The following IARS2 variants were observed in gnomAD, a reference collection of about 807,000 sequenced individuals.
The protein encoded by IARS2 is isoleucine--tRNA ligase, mitochondrial.
IARS2 carries 56 observed loss-of-function variants against 126.3 expected under a neutral mutation model. The observed-to-expected ratio is 0.44, with a 90% confidence interval of 0.36 to 0.55. IARS2 has a LOEUF of 0.55. Ranked by LOEUF, IARS2 falls within the 20% of genes least tolerant of loss-of-function variation. IARS2 has a pLI of 0.00. For missense variants in IARS2, 1,127 were observed against 1,245.9 expected (o/e 0.90, Z 1.44); for synonymous variants, 407 against 441.1 (o/e 0.92, Z 0.97).
chr1:220,128,287 C>T (rs766538105), intron 14 of IARS2, among the ~76,000 whole-genome samples: 7 of 152,060 alleles, frequency 4.6e-5, no homozygotes, highest in African/African-American at 9.7e-5. Context: ...AACCAATCCT[C>T]TGCATATATC....
chr1:220,136,226 G>T (rs1476902653), intron 15 of IARS2, among the ~76,000 whole-genome samples: 1 of 152,118 alleles, frequency 6.6e-6, no homozygotes, highest in Non-Finnish European at 1.5e-5. Flanking sequence ...CCGCCTCTTG[G>T]GTTCAAGTGA....
Position 220,138,051 on chromosome 1 carries a change from C to G in IARS2, c.2175+8C>G. On this transcript the variant is annotated splice_region_variant and intron_variant, in intron 17 of 22. Transcript: ENST00000366922. ...AGAGATGATATTAGCAAGGTTAGAA[C>G]TATTATTCTTCCTATTTCTAAAGGA... 1.2e-6 allele frequency: 2 copies of G among 1,612,650 alleles called. No individual in the cohort carries two copies. The highest frequency in any genetic ancestry group is 1.7e-6 in the Non-Finnish European group (2 of 1,179,212).
rs1402860114 is a variant in IARS2, at chr1:220,094,133, C to G, written c.-84C>G. 3 of 1,143,376 alleles carry G rather than the reference C, an allele frequency of 2.6e-6. No individual in the cohort carries two copies. The highest frequency in any genetic ancestry group is 3.3e-6 in the Non-Finnish European group (3 of 899,714). The allele number at this position is 1,143,376 out of a possible 1,614,324, so 70.8% of individuals were successfully genotyped here. ...CTCCCGGAGCGCGTGCGCCCTCTTA[C>G]TCGGCTCCCCTTGGTTTCCTGGGGT... On this transcript the variant is annotated 5_prime_UTR_variant, in exon 1 of 23. Transcript: ENST00000366922.
At chr1:220,143,355 TA>T (rs899735796) in intron 21 of IARS2, 176 of 335,686 alleles carry the variant, frequency 5.2e-4, no homozygotes, top group Admixed American at 7.8e-4. Flanking sequence ...GTGTCTAAAT[TA>T]AAAAAAAATT....
chr1:220,105,618 G>T (rs1372620656), intron 8 of IARS2, among the ~76,000 whole-genome samples: 1 of 152,144 alleles, frequency 6.6e-6, no homozygotes, highest in Non-Finnish European at 1.5e-5. Context: ...TGGTGAGGGA[G>T]AATATTAAGT....
chr1:220,147,206 C>T (rs1355851208), intron 22 of IARS2, among the ~76,000 whole-genome samples: 1 of 152,164 alleles, frequency 6.6e-6, no homozygotes, highest in African/African-American at 2.4e-5. Context: ...CCAAATTTAA[C>T]AGCTAGAAAG....
chr1:220,146,252 C>A (rs948147781), intron 22 of IARS2, among the ~76,000 whole-genome samples: 3 of 152,222 alleles, frequency 2.0e-5, no homozygotes, highest in African/African-American at 7.2e-5. Flanking sequence ...CACGGTGGCT[C>A]ATGCCTGTAA....
rs1456971220 is a variant in IARS2, at chr1:220,114,470, A to G, written c.1636A>G (p.Asn546Asp). Residue 546 changes from asparagine (N) to aspartate (D), a missense_variant, in exon 12 of 23, where the codon AAC becomes GAC. By Grantham distance (23) the Asn-to-Asp change is conservative. Transcript: ENST00000366922. ...TAAGACCAAGGATGAATACTTGATCAACAGGTAGAATGCTTTCTAAAATTT... is the reference window on the plus strand; with the variant it reads ...TAAGACCAAGGATGAATACTTGATCGACAGGTAGAATGCTTTCTAAAATTT... ...HHKTKDEYLI[N>D]SQTTEHIVKL... 2.5e-6 allele frequency: 4 copies of G among 1,606,678 alleles called. No homozygotes were observed. In the African/African-American group the frequency reaches 5.4e-5, roughly 22 times the overall value.
In IARS2 at chr1:220,102,747, A is replaced by G. The variant is rs1375267269; in HGVS notation, c.920A>G (p.Asn307Ser). The change falls in exon 7 of 23, where the codon AAT becomes AGT. Residue 307 changes from asparagine to serine, a missense_variant. Physicochemically the swap from Asn to Ser is conservative, Grantham distance 46. Transcript: ENST00000366922. ...ACACAACCTTGGACGATTCCAGCCAATGAAGCTGTTTGCTATATGCCTGAA... is the reference window on the plus strand; with the variant it reads ...ACACAACCTTGGACGATTCCAGCCAGTGAAGCTGTTTGCTATATGCCTGAA... ...WTTQPWTIPA[N>S]EAVCYMPESK... 10 of 1,613,558 alleles carry G rather than the reference A, an allele frequency of 6.2e-6. No individual in the cohort carries two copies. The highest frequency in any genetic ancestry group is 4.5e-5 in the East Asian group (2 of 44,854).
At chr1:220,137,835 A>T (rs1657409964) in intron 16 of IARS2, 83 bp from the exon 17 acceptor site, 7 of 1,485,220 alleles carry the variant, frequency 4.7e-6, no homozygotes, top group Non-Finnish European at 6.5e-6. Flanking sequence ...AAAATATCTG[A>T]ATAGGAGCTT....
At chr1:220,103,685 A>G in intron 8 of IARS2, 123 bp downstream of exon 8, 3 of 593,612 alleles carry the variant, frequency 5.1e-6, no homozygotes, top group Non-Finnish European at 9.1e-6. Flanking sequence ...TCTAGAATAC[A>G]TTTTACATTG....
At chr1:220,114,561 C>G (rs1275822659) in intron 12 of IARS2, 87 bp downstream of exon 12, 1 of 967,184 alleles carries the variant, frequency 1.0e-6, no homozygotes, top group Non-Finnish European at 1.6e-6. Flanking sequence ...GATTAAGAAC[C>G]GTTTATATAT....
At chr1:220,146,517 C>CAAA (rs1186000971) in intron 22 of IARS2, among the ~76,000 whole-genome samples, 3,042 of 61,938 alleles carry the variant, frequency 0.049, 327 homozygotes, top group African/African-American at 0.06. Context: ...GACTCCGTCT[C>CAAA]AAAAAAAAAA....
intron 17 of IARS2, among the ~76,000 whole-genome samples, chr1:220,138,765 A>G (rs924240604): frequency 1.6e-4 from 25 of 152,330 alleles, no homozygotes; most frequent in African/African-American, 6.0e-4. Context: ...ATAAAGAAAT[A>G]TAATGAAAAT....
chr1:220,140,154 TC>T (rs746846661), intron 18 of IARS2, 28 bp from the exon 19 acceptor site: 375 of 1,330,428 alleles, frequency 2.8e-4, no homozygotes, highest in Non-Finnish European at 3.5e-4. Flanking sequence ...TGTCTCAGCT[TC>T]CAAATTTATT....
intron 14 of IARS2, among the ~76,000 whole-genome samples, chr1:220,129,497 T>G (rs996472206): frequency 3.3e-5 from 5 of 152,222 alleles, no homozygotes; most frequent in Non-Finnish European, 5.9e-5. Context: ...GACCAAACTC[T>G]CTTCATCCCT....
chr1:220,105,872 T>G lies in IARS2; in HGVS notation c.1067-19T>G. On this transcript the variant is annotated intron_variant, in intron 8 of 22. Transcript: ENST00000366922. ...TGCCATATAAAATGATTCTTAATAGTGGTTTTCTTTCCCCACAGGTGTAGA... is the reference window on the plus strand; with the variant it reads ...TGCCATATAAAATGATTCTTAATAGGGGTTTTCTTTCCCCACAGGTGTAGA... 7 of 1,607,500 alleles carry G rather than the reference T, an allele frequency of 4.4e-6. No homozygotes were observed. The highest frequency in any genetic ancestry group is 6.0e-6 in the Non-Finnish European group (7 of 1,174,092).
At chr1:220,116,741 A>G (rs1287949441) in intron 12 of IARS2, among the ~76,000 whole-genome samples, 1 of 151,946 alleles carries the variant, frequency 6.6e-6, no homozygotes, top group East Asian at 1.9e-4. Context: ...AATTCTGTCC[A>G]GTTCAGATTA....
chr1:220,126,870 G>A lies in IARS2; in HGVS notation c.1837+27G>A, dbSNP rs146891512. 412 of 1,495,632 alleles carry A rather than the reference G, an allele frequency of 2.8e-4. No homozygotes were observed. The African/African-American group carries it at 5.0e-3, about 18-fold the overall frequency. 92.6% of individuals were successfully genotyped at this position (1,495,632 alleles called of 1,614,324 possible). A position where few individuals can be genotyped will look rare whatever the true frequency, so the allele number is the denominator to read the frequency against. On this transcript the variant is annotated intron_variant, in intron 14 of 22. Coordinates refer to ENST00000366922, the MANE Select transcript of IARS2 (RefSeq NM_018060.4). ...TAATTCTTAAAAATAGATATATGCC[G>A]ATCAAGAAGTTTTGAAAATATGGAA...
Sources: allele counts gnomAD v4.1 joint callset (sites outside exome capture counted in the v4.1 genomes callset), GRCh38; gene constraint gnomAD v4.1.1; transcripts MANE v1.5; gene names NCBI Gene and HGNC (gene_info 2026-07-23, HGNC 2026-07-21).